Variants in LARGE1 observed in about 807,000 individuals in gnomAD.
The protein encoded by LARGE1 is xylosyl- and glucuronyltransferase LARGE1.
A neutral mutation model predicts 87.6 loss-of-function variants in LARGE1; 43 were observed. The ratio of observed to expected loss-of-function variants is 0.49; its 90% CI spans 0.38 to 0.63. LARGE1 has a LOEUF of 0.63. LARGE1 is among the 30% of genes least tolerant of loss of function. LARGE1 has a pLI of 0.00. For missense variants in LARGE1, 802 were observed against 1,000.2 expected (o/e 0.80, Z 2.67); for synonymous variants, 434 against 394.6 (o/e 1.10, Z -1.18).
intron 11 of LARGE1, among the ~76,000 whole-genome samples, chr22:33,221,169 A>AAGAGAGAG (rs112355451): frequency 0.022 from 3,344 of 148,964 alleles, 131 homozygotes; most frequent in African/African-American, 0.078. Flanking sequence ...CGTTGTTAAA[A>AAGAGAGAG]AGAGAGAGAG....
chr22:33,068,810 G>C, the LARGE1 span, among the ~76,000 whole-genome samples: 2 of 152,128 alleles, frequency 1.3e-5, no homozygotes, highest in Non-Finnish European at 2.9e-5. Context: ...AAAACAGCAC[G>C]TGCCTCAGGA....
At chr22:33,757,076 C>G (rs186148743) in intron 2 of LARGE1, among the ~76,000 whole-genome samples, 101 of 152,308 alleles carry the variant, frequency 6.6e-4, no homozygotes, top group African/African-American at 2.1e-3. Flanking sequence ...AACAAAAACA[C>G]CACCTGATGA....
At chr22:33,201,190 C>T (rs1924363445) in intron 11 of LARGE1, among the ~76,000 whole-genome samples, 1 of 152,096 alleles carries the variant, frequency 6.6e-6, no homozygotes, top group African/African-American at 2.4e-5. Flanking sequence ...TGCCTGTAAT[C>T]CCAGCTACTT....
chr22:33,853,928 A>T (rs2063681842), intron 1 of LARGE1, among the ~76,000 whole-genome samples: 1 of 152,118 alleles, frequency 6.6e-6, no homozygotes, highest in Non-Finnish European at 1.5e-5. Flanking sequence ...GGACAAGAGG[A>T]AGCAAATGCG....
At chr22:33,493,223 C>T (rs910527080) in intron 6 of LARGE1, among the ~76,000 whole-genome samples, 2 of 138,054 alleles carry the variant, frequency 1.4e-5, no homozygotes, top group Non-Finnish European at 3.0e-5. Flanking sequence ...TGCAGTGGTG[C>T]GATCTCGGCT....
At chr22:33,769,988 A>T (rs2085016201) in intron 1 of LARGE1, among the ~76,000 whole-genome samples, 1 of 152,172 alleles carries the variant, frequency 6.6e-6, no homozygotes, top group Non-Finnish European at 1.5e-5. Context: ...AGAACAGCAT[A>T]TTTCAGCCCT....
intron 7 of LARGE1, among the ~76,000 whole-genome samples, chr22:33,412,642 C>A (rs2066347341): frequency 6.6e-6 from 1 of 152,048 alleles, no homozygotes; most frequent in Non-Finnish European, 1.5e-5. Flanking sequence ...TTTACATAAT[C>A]TGATTTTTAT....
chr22:33,211,177 A>T (rs1008189542), intron 11 of LARGE1, among the ~76,000 whole-genome samples: 16 of 152,184 alleles, frequency 1.1e-4, no homozygotes, highest in Non-Finnish European at 1.6e-4. Context: ...CATGTAAGAC[A>T]GAGAACTTAA....
At chr22:33,304,062 T>C (rs1226919702) in intron 12 of LARGE1, among the ~76,000 whole-genome samples, 167 bp downstream of exon 12, 1 of 152,268 alleles carries the variant, frequency 6.6e-6, no homozygotes, top group Admixed American at 6.5e-5. Context: ...GAGAACTCTA[T>C]TGCTGGGTGG....
intron 6 of LARGE1, among the ~76,000 whole-genome samples, chr22:33,451,351 C>T (rs1483680854): frequency 2.7e-5 from 4 of 150,156 alleles, no homozygotes; most frequent in Middle Eastern, 3.4e-3. Context: ...CAAAAAAATT[C>T]TTATTTTATT....
intron 1 of LARGE1, chr22:33,861,442 C>T (rs1388250508): frequency 1.3e-5 from 2 of 152,148 alleles, no homozygotes; most frequent in Admixed American, 6.6e-5. Flanking sequence ...CAATTTACAG[C>T]AACAACAAGA....
the LARGE1 span, among the ~76,000 whole-genome samples, chr22:33,084,237 A>G: frequency 6.6e-6 from 1 of 152,190 alleles, no homozygotes; most frequent in East Asian, 1.9e-4. Context: ...ATACTTCTTC[A>G]GCATCTTTGA....
chr22:33,247,359 A>G (rs896355625), intron 11 of LARGE1, among the ~76,000 whole-genome samples: 3 of 152,190 alleles, frequency 2.0e-5, no homozygotes, highest in African/African-American at 7.2e-5. Context: ...TCAGGACACA[A>G]TATTAGAATG....
intron 11 of LARGE1, among the ~76,000 whole-genome samples, chr22:33,308,268 C>T (rs1484945085): frequency 6.6e-6 from 1 of 152,142 alleles, no homozygotes. Flanking sequence ...TCAGTGTCTG[C>T]TGGGATGGGG....
intron 3 of LARGE1, among the ~76,000 whole-genome samples, chr22:33,642,947 TGG>T (rs2080490246): frequency 6.6e-6 from 1 of 152,078 alleles, no homozygotes; most frequent in South Asian, 2.1e-4. Context: ...ACAATAATAG[TGG>T]GAGACTTTAA....
intron 7 of LARGE1, among the ~76,000 whole-genome samples, chr22:33,419,961 T>G (rs1478169833): frequency 6.6e-6 from 1 of 152,148 alleles, no homozygotes; most frequent in Non-Finnish European, 1.5e-5. Flanking sequence ...CCCAAAGTGC[T>G]GAGATTATAG....
the LARGE1 span, among the ~76,000 whole-genome samples, chr22:33,089,686 G>A: frequency 4.2e-4 from 64 of 151,570 alleles, no homozygotes; most frequent in African/African-American, 1.6e-3. Flanking sequence ...TTATAGAGAT[G>A]GGGTCTCACT....
chr22:33,863,264 G>T (rs1170621533), intron 1 of LARGE1, among the ~76,000 whole-genome samples: 1 of 152,148 alleles, frequency 6.6e-6, no homozygotes, highest in African/African-American at 2.4e-5. Flanking sequence ...GGTAATTGAG[G>T]CAAAGCATTT....
At chr22:33,301,489 AC>A (rs1233997793) in intron 12 of LARGE1, among the ~76,000 whole-genome samples, 2 of 152,182 alleles carry the variant, frequency 1.3e-5, no homozygotes, top group African/African-American at 2.4e-5. Context: ...CATTAAAAAA[AC>A]ATTTTATATG....
Sources: gnomAD v4.1 joint callset for allele counts (sites outside exome capture counted in the v4.1 genomes callset) on GRCh38, gnomAD v4.1.1 for gene constraint, MANE v1.5 for transcripts, NCBI Gene and HGNC (gene_info 2026-07-23, HGNC 2026-07-21) for gene names.